Variants in ARHGAP32 observed in about 807,000 individuals in gnomAD.
ARHGAP32 encodes the protein Rho GTPase activating protein 32.
ARHGAP32 carries 51 observed loss-of-function variants against 186.5 expected under a neutral mutation model. The observed-to-expected ratio is 0.27, with a 90% CI of 0.22 to 0.35. ARHGAP32 has a LOEUF of 0.35. ARHGAP32 is among the 10% of genes least tolerant of loss of function. The pLI, the probability that ARHGAP32 is intolerant of heterozygous loss-of-function variation, is 1.00. For synonymous variants in ARHGAP32, 950 were observed against 964.3 expected (o/e 0.99, Z 0.27); for missense variants, 2,186 against 2,623.5 (o/e 0.83, Z 3.64).
intron 1 of ARHGAP32, among the ~76,000 whole-genome samples, chr11:129,225,151 G>A (rs1428325419): frequency 6.6e-6 from 1 of 152,090 alleles, no homozygotes; most frequent in Non-Finnish European, 1.5e-5. Context: ...TGTTGTGGCT[G>A]CCTGAAATGG....
At chr11:129,066,659 A>C (rs1940701156) in intron 7 of ARHGAP32, 72 bp downstream of exon 7, 2 of 1,439,472 alleles carry the variant, frequency 1.4e-6, no homozygotes, top group Non-Finnish European at 1.9e-6. Context: ...GCTTTTGTTT[A>C]GTATACAGAC....
Position 128,998,328 on chromosome 11 carries a change from C to T in ARHGAP32, c.1186G>A (p.Gly396Ser), listed in dbSNP as rs1262622579. The T allele has an allele frequency of 6.4e-7, 1 of 1,564,342 alleles. No individual in the cohort carries two copies. The highest frequency in any genetic ancestry group is 1.4e-5 in the African/African-American group (1 of 73,486). The change falls in exon 12 of 23, where the codon GGT becomes AGT. Residue 396 changes from glycine to serine, a missense_variant. Gly to Ser is a moderately conservative substitution (Grantham distance 56). Coordinates refer to ENST00000682385, the MANE Select transcript of ARHGAP32 (RefSeq NM_001378024.1). ...CDLGEHLLNS[G>S]FEVPQVLQSC... The stretch of plus-strand genomic sequence containing the variant: ...CACATTTTATTTTTACCTTCAAAAC[C>T]AGAATTTAGAAGGTGTTCCCCCAGG...
chr11:128,976,783 T>C, intron 19 of ARHGAP32, 149 bp from the exon 20 acceptor site: 1 of 660,716 alleles, frequency 1.5e-6, no homozygotes, highest in South Asian at 1.8e-5. Flanking sequence ...ACATAATGTG[T>C]TATACTGCAC....
chr11:129,134,175 G>A (rs940573056), intron 2 of ARHGAP32, among the ~76,000 whole-genome samples: 2 of 151,822 alleles, frequency 1.3e-5, no homozygotes. Flanking sequence ...CTCTGAGGCA[G>A]TAAAAACATC....
intron 1 of ARHGAP32, among the ~76,000 whole-genome samples, chr11:129,200,469 G>C (rs1242574122): frequency 6.6e-6 from 1 of 152,064 alleles, no homozygotes; most frequent in African/African-American, 2.4e-5. Context: ...TTTTACAAGG[G>C]GAAACCACTT....
chr11:129,159,930 T>C (rs781046750), intron 2 of ARHGAP32, among the ~76,000 whole-genome samples: 6 of 152,106 alleles, frequency 3.9e-5, no homozygotes, highest in South Asian at 4.1e-4. Flanking sequence ...TGAAAATCAA[T>C]AAGCATAATC....
At chr11:129,179,863 G>A (rs1014759212) in intron 1 of ARHGAP32, among the ~76,000 whole-genome samples, 13 of 152,084 alleles carry the variant, frequency 8.5e-5, no homozygotes, top group Non-Finnish European at 1.6e-4. Context: ...GTTAGTGGGT[G>A]CAGTGCACCA....
chr11:129,198,881 G>C (rs7126219), intron 1 of ARHGAP32, among the ~76,000 whole-genome samples: 2 of 152,116 alleles, frequency 1.3e-5, no homozygotes, highest in Admixed American at 1.3e-4. Context: ...GAACTTCCTA[G>C]AGACTTGTTG....
At chr11:129,104,388 C>G (rs1941992225) in intron 5 of ARHGAP32, among the ~76,000 whole-genome samples, 1 of 151,898 alleles carries the variant, frequency 6.6e-6, no homozygotes, top group South Asian at 2.1e-4. Flanking sequence ...TTAAAATATT[C>G]TAAATGCTGA....
At chr11:129,126,436 T>A (rs1408487490) in intron 2 of ARHGAP32, among the ~76,000 whole-genome samples, 1 of 152,228 alleles carries the variant, frequency 6.6e-6, no homozygotes, top group Non-Finnish European at 1.5e-5. Context: ...AACTGCCTCA[T>A]CTTCAAGAAG....
At chr11:129,022,810 T>G (rs1337912188) in intron 11 of ARHGAP32, among the ~76,000 whole-genome samples, 1 of 152,172 alleles carries the variant, frequency 6.6e-6, no homozygotes, top group African/African-American at 2.4e-5. Flanking sequence ...ATGGCATCAC[T>G]TTCTAGTCCT....
intron 1 of ARHGAP32, among the ~76,000 whole-genome samples, chr11:129,267,873 G>A (rs1442561098): frequency 6.6e-6 from 1 of 152,154 alleles, no homozygotes; most frequent in Non-Finnish European, 1.5e-5. Flanking sequence ...GGTGAGAGAG[G>A]AAGCAAGTGG....
At chr11:129,245,656 AAATAATAATAATAAT>A (rs56047154) in intron 1 of ARHGAP32, among the ~76,000 whole-genome samples, 2,058 of 146,224 alleles carry the variant, frequency 0.014, 27 homozygotes, top group Middle Eastern at 0.032. Context: ...CAACAGATTA[AAATAATAATAATAAT>A]AATAATAATA....
chr11:129,033,706 C>T (rs1027669883), intron 11 of ARHGAP32, among the ~76,000 whole-genome samples: 9 of 152,082 alleles, frequency 5.9e-5, no homozygotes, highest in South Asian at 2.1e-4. Context: ...TTTATTGTTT[C>T]GTCTTTCACA....
chr11:129,078,067 T>C (rs117385323), intron 6 of ARHGAP32, among the ~76,000 whole-genome samples: 3,085 of 152,242 alleles, frequency 0.02, 79 homozygotes, highest in Admixed American at 0.077. Flanking sequence ...CAGAGCCCAC[T>C]TCATTCCTCT....
intron 8 of ARHGAP32, 69 bp downstream of exon 8, chr11:129,064,772 G>T: frequency 8.2e-7 from 1 of 1,214,628 alleles, no homozygotes; most frequent in Non-Finnish European, 1.2e-6. Flanking sequence ...TCAAAATTAT[G>T]TTAATATCAA....
At chr11:129,045,536 G>A (rs987199638) in intron 10 of ARHGAP32, among the ~76,000 whole-genome samples, 1 of 152,070 alleles carries the variant, frequency 6.6e-6, no homozygotes, top group Non-Finnish European at 1.5e-5. Context: ...TATTACACAC[G>A]AGAATGGAAC....
At position 128,969,751 on chromosome 11, in the gene ARHGAP32, G is replaced by A; in HGVS notation, c.5462C>T (p.Ala1821Val). The change falls in exon 23 of 23, where the codon GCA (alanine) becomes GTA (valine). Residue 1821 changes from alanine (A) to valine (V), a missense_variant. This residue lies in a region of ARHGAP32 where 1,502 missense variants were observed against 1,570.0 expected (regional missense o/e 0.96). Transcript: ENST00000682385. This position sits in a 1 kb window ranked among gnomAD's most constrained non-coding sequence, Gnocchi z 4.8. The stretch of plus-strand genomic sequence containing the variant: ...TGCATGGCGGCTCTCCTTTCCTTCT[G>A]CCACTGAGAGAAGTCCAGTTTTCCC... ...DPGKTGLLSV[A>V]EGKESRHAAK... is the part of the protein sequence containing the mutation. 1 of 1,614,112 alleles carries A rather than the reference G, an allele frequency of 6.2e-7. No individual in the cohort carries two copies. Among genetic ancestry groups the A allele is most frequent in the Non-Finnish European group, 8.5e-7 (1 of 1,180,034 alleles).
intron 10 of ARHGAP32, among the ~76,000 whole-genome samples, chr11:129,054,065 TA>T (rs35753511): frequency 0.21 from 31,138 of 147,002 alleles, 3,305 homozygotes; most frequent in African/African-American, 0.24. Flanking sequence ...ACTCTTGAGG[TA>T]AAAAAAAAAA....
Sources: gnomAD v4.1 joint callset for allele counts (sites outside exome capture counted in the v4.1 genomes callset) on GRCh38, gnomAD v4.1.1 for gene constraint, gnomAD v4.1.1 regional missense constraint, Gnocchi (gnomAD v3.1) non-coding constraint, MANE v1.5 for transcripts, NCBI Gene and HGNC (gene_info 2026-07-23, HGNC 2026-07-21) for gene names.